The following FAM200A variants were observed in gnomAD, a reference collection of about 807,000 sequenced individuals.
FAM200A encodes ZBED8 like.
In FAM200A, 26 loss-of-function variants were observed where a neutral mutation model predicts 44.2. The ratio of observed to expected loss-of-function variants is 0.59; its 90% CI spans 0.43 to 0.82. The LOEUF (loss-of-function observed/expected upper bound fraction) is 0.82, where lower values mean the gene tolerates loss of function less well. Ranked by LOEUF, FAM200A falls within the 40% of genes least tolerant of loss-of-function variation. The pLI is 0.00. For missense variants in FAM200A, 606 were observed against 669.5 expected, an observed-to-expected ratio of 0.91 and a Z score of 1.05; for synonymous variants, 206 against 244.4, an observed-to-expected ratio of 0.84 and a Z score of 1.47.
chr7:99,549,612 C>T (rs191067426), intron 1 of FAM200A, among the ~76,000 whole-genome samples: 41 of 152,170 alleles, frequency 2.7e-4, no homozygotes, highest in Admixed American at 6.5e-4. Context: ...ATGTTTATTG[C>T]GGCACTATTC....
chr7:99,549,152 GA>G (rs1407373895), intron 1 of FAM200A, among the ~76,000 whole-genome samples: 1 of 138,442 alleles, frequency 7.2e-6, no homozygotes. Flanking sequence ...GGGGCATAGG[GA>G]AAAAAATGAG....
rs541261373 is a variant in FAM200A at position 99,546,491 on chromosome 7, C to T, written c.*195G>A. On this transcript the variant is annotated 3_prime_UTR_variant, in exon 2 of 2. Coordinates refer to ENST00000449309, the MANE Select transcript of FAM200A (RefSeq NM_145111.4). ...TTAAGAGATTCTCCTGCCTCAGGCA[C>T]CCAAGTAACTGGGACTGCAGGCATG... The T allele has an allele frequency of 8.8e-5, 40 of 452,872 alleles. No homozygotes were observed. The South Asian group carries it at 3.0e-3, about 34-fold the overall frequency. The allele number at this position is 452,872 out of a possible 1,614,324, so 28.1% of individuals were successfully genotyped here.
rs373734009 is a variant in FAM200A at position 99,547,196 on chromosome 7, T to C, written c.1212A>G (p.Gln404=). ...CATTAATAATGTTCTCTTCGATGTG[T>C]TGCAATAATGTTGGAAACATATAGT... ...PSYYMFPTLL[Q]HIEENIINED... The change falls in exon 2 of 2, where the codon CAA becomes CAG. Residue 404 remains glutamine, a synonymous_variant. Transcript: ENST00000449309. 4.3e-5 allele frequency: 67 copies of C among 1,549,228 alleles called. No homozygotes were observed. In the East Asian group the frequency reaches 8.8e-4, roughly 20 times the overall value.
chr7:99,556,532 A>G (rs1443138256), upstream of FAM200A, among the ~76,000 whole-genome samples: 1 of 152,086 alleles, frequency 6.6e-6, no homozygotes, highest in Non-Finnish European at 1.5e-5. Flanking sequence ...AAGAAATTCA[A>G]CCTCATATTT....
In FAM200A at chr7:99,547,091, C is replaced by T. The variant is rs1349121220; in HGVS notation, c.1317G>A (p.Pro439=). The T allele has an allele frequency of 1.2e-5, 18 of 1,546,738 alleles. No homozygotes were observed. The highest frequency in any genetic ancestry group is 1.7e-4 in the Middle Eastern group (1 of 5,972). The change falls in exon 2 of 2, where the codon CCG becomes CCA. Residue 439 remains proline (P), a synonymous_variant. Coordinates refer to ENST00000449309, the MANE Select transcript of FAM200A (RefSeq NM_145111.4). ...CCTTTAATGATTCAAATTTCTCTTC[C>T]GGAAAGTAATAATTAAAAGTTTGAG... ...SLSQTFNYYF[P]EEKFESLKEN... is the part of the protein sequence containing the mutation.
Position 99,551,909 on chromosome 7 carries a change from G to T in FAM200A, c.-155C>A. ...AGCGCTTGCCACCGCCGAGGCTGGCGCGAGGAACGGGGGCACGGACCCGCT... is the reference window on the plus strand; with the variant it reads ...AGCGCTTGCCACCGCCGAGGCTGGCTCGAGGAACGGGGGCACGGACCCGCT... On this transcript the variant is annotated 5_prime_UTR_variant, in exon 1 of 2. Transcript: ENST00000449309. The T allele has an allele frequency of 2.0e-6, 2 of 985,548 alleles. No individual in the cohort carries two copies. The highest frequency in any genetic ancestry group is 4.7e-5 in the South Asian group (1 of 21,284). 61.1% of individuals were successfully genotyped at this position (985,548 alleles called of 1,614,324 possible). A position where few individuals can be genotyped will look rare whatever the true frequency, so the allele number is the denominator to read the frequency against.
chr7:99,557,790 T>C (rs1257054485), intron 1 of FAM200A, among the ~76,000 whole-genome samples: 1 of 152,240 alleles, frequency 6.6e-6, no homozygotes, highest in African/African-American at 2.4e-5. Context: ...CCAGTAACAT[T>C]AAAGAACAGC....
chr7:99,554,919 G>C (rs1802649085), upstream of FAM200A, among the ~76,000 whole-genome samples: 1 of 152,204 alleles, frequency 6.6e-6, no homozygotes. Flanking sequence ...GGTGGCAGTA[G>C]AGCAGAGGTA....
In FAM200A at chr7:99,548,307, T is replaced by G. The variant is rs754031189; in HGVS notation, c.101A>C (p.Asp34Ala). The change falls in exon 2 of 2, where the codon GAC (aspartate) becomes GCC (alanine). Residue 34 changes from aspartate (D) to alanine (A), a missense_variant. Transcript: ENST00000449309. ...IVKVEEEDEE[D>A]HFQKERNKVE... The stretch of plus-strand genomic sequence containing the variant: ...TTTGTTTCTTTCCTTTTGAAAATGG[T>G]CTTCTTCATCTTCCTCCTCCACCTT... The G allele has an allele frequency of 6.2e-7, 1 of 1,614,206 alleles. No homozygotes were observed. The highest frequency in any genetic ancestry group is 1.3e-5 in the African/African-American group (1 of 75,064).
chr7:99,548,846 C>A (rs532332238), intron 1 of FAM200A, among the ~76,000 whole-genome samples: 19 of 145,602 alleles, frequency 1.3e-4, no homozygotes, highest in Non-Finnish European at 2.1e-4. Flanking sequence ...TGCTGCTACA[C>A]TGCCAACTCT....
At position 99,546,536 on chromosome 7, in the gene FAM200A, G is replaced by C. The variant is rs988966371; in HGVS notation, c.*150C>G. 4 of 798,862 alleles carry C rather than the reference G, an allele frequency of 5.0e-6. No homozygotes were observed. The highest frequency in any genetic ancestry group is 1.8e-5 in the African/African-American group (1 of 55,196). 49.5% of individuals were successfully genotyped at this position (798,862 alleles called of 1,614,324 possible). A position where few individuals can be genotyped will look rare whatever the true frequency, so the allele number is the denominator to read the frequency against. Reference sequence around the variant, plus strand: ...GGCATGTGCCACCACGCCTGGCTAAGGTTTCTATTTTTAGTAGAGATGGGG... The same window carrying C: ...GGCATGTGCCACCACGCCTGGCTAACGTTTCTATTTTTAGTAGAGATGGGG... On this transcript the variant is annotated 3_prime_UTR_variant, in exon 2 of 2. Coordinates refer to ENST00000449309, the MANE Select transcript of FAM200A (RefSeq NM_145111.4).
intron 1 of FAM200A, among the ~76,000 whole-genome samples, chr7:99,551,003 C>T (rs904720517): frequency 6.6e-6 from 1 of 151,720 alleles, no homozygotes; most frequent in Admixed American, 6.6e-5. Context: ...TGAACTCGGG[C>T]GCTGGAGGTT....
intron 1 of FAM200A, among the ~76,000 whole-genome samples, chr7:99,557,674 G>A (rs1802738219): frequency 6.6e-6 from 1 of 152,082 alleles, no homozygotes; most frequent in African/African-American, 2.4e-5. Flanking sequence ...TGATACTTAG[G>A]GATAAAGAGA....
At position 99,547,015 on chromosome 7, in the gene FAM200A, T is replaced by C. The variant is rs772938917; in HGVS notation, c.1393A>G (p.Ile465Val). 4 of 1,549,302 alleles carry C rather than the reference T, an allele frequency of 2.6e-6. No homozygotes were observed. The highest frequency in any genetic ancestry group is 3.3e-4 in the Middle Eastern group (2 of 6,010). The change falls in exon 2 of 2, where the codon ATT (isoleucine) becomes GTT (valine). Residue 465 changes from isoleucine to valine, a missense_variant. Transcript: ENST00000449309. The part of the protein sequence containing the change: ...PFAFQNPESI[I>V]ELNLEPEEEN... The stretch of plus-strand genomic sequence containing the variant: ...TCTTCAGGCTCCAAGTTTAACTCAA[T>C]TATTGATTCTGGGTTTTGAAAAGCA...
At chr7:99,553,031 G>GCACACA (rs1802578035), upstream of FAM200A, among the ~76,000 whole-genome samples, 1 of 84,876 alleles carries the variant, frequency 1.2e-5, no homozygotes, top group African/African-American at 5.1e-5. Flanking sequence ...ATATATACAT[G>GCACACA]TATATATATA....
intron 1 of FAM200A, among the ~76,000 whole-genome samples, chr7:99,549,187 A>G (rs1301217417): frequency 2.2e-5 from 3 of 138,676 alleles, no homozygotes; most frequent in East Asian, 3.0e-4. Flanking sequence ...TAAAAATAAG[A>G]AATTAAGCTG....
chr7:99,551,785 C>T (rs1400127065), intron 1 of FAM200A, 69 bp downstream of exon 1: 2 of 980,092 alleles, frequency 2.0e-6, no homozygotes, highest in Admixed American at 6.1e-5. Context: ...AGAAGGGACA[C>T]GCAGACCGCC....
upstream of FAM200A, among the ~76,000 whole-genome samples, chr7:99,553,062 T>TAC (rs1206039971): frequency 6.0e-3 from 601 of 100,250 alleles, 3 homozygotes; most frequent in South Asian, 8.3e-3. Flanking sequence ...TATATATATA[T>TAC]ACACACACAT....
chr7:99,550,222 C>A (rs1422044488), intron 1 of FAM200A, among the ~76,000 whole-genome samples: 5 of 151,792 alleles, frequency 3.3e-5, no homozygotes, highest in Non-Finnish European at 7.4e-5. Context: ...GTGATTCTTC[C>A]GCCTCAGCCT....
Sources: allele counts gnomAD v4.1 joint callset (sites outside exome capture counted in the v4.1 genomes callset), GRCh38; gene constraint gnomAD v4.1.1; transcripts MANE v1.5; gene names NCBI Gene and HGNC (gene_info 2026-07-23, HGNC 2026-07-21).